The following ZNF493 variants were observed in gnomAD, a reference collection of about 807,000 sequenced individuals.
ZNF493 encodes zinc finger protein 493.
A neutral mutation model predicts 12.2 loss-of-function variants in ZNF493; 11 were observed. The ratio of observed to expected loss-of-function variants is 0.90; its 90% CI spans 0.57 to 1.50. The LOEUF (loss-of-function observed/expected upper bound fraction) is 1.50, where lower values mean the gene tolerates loss of function less well. ZNF493 is among the 40% of genes most tolerant of loss of function. The probability of loss-of-function intolerance (pLI) is 0.00; values close to 1 mark genes in which losing one functional copy is unlikely to be tolerated. For synonymous variants in ZNF493, 286 were observed against 302.6 expected, an observed-to-expected ratio of 0.95 and a Z score of 0.57; for missense variants, 950 against 906.6, an observed-to-expected ratio of 1.05 and a Z score of -0.61.
intron 2 of ZNF493, chr19:21,405,548 C>T (rs1207232513): frequency 1.2e-5 from 16 of 1,280,908 alleles, no homozygotes; most frequent in Non-Finnish European, 1.6e-5. Flanking sequence ...CTATATGCCA[C>T]CACTAATTTT....
At chr19:21,421,315 T>C (rs998582600) in intron 3 of ZNF493, among the ~76,000 whole-genome samples, 1 of 152,154 alleles carries the variant, frequency 6.6e-6, no homozygotes, top group African/African-American at 2.4e-5. Flanking sequence ...ATTTCACTCA[T>C]TGAGTGTTAC....
At chr19:21,407,017 G>A (rs997124046) in intron 3 of ZNF493, among the ~76,000 whole-genome samples, 4 of 151,736 alleles carry the variant, frequency 2.6e-5, no homozygotes, top group Non-Finnish European at 4.4e-5. Flanking sequence ...GGTTAAATTT[G>A]TTCTTAGAAA....
intron 3 of ZNF493, among the ~76,000 whole-genome samples, chr19:21,420,241 G>T (rs2145302865): frequency 1.3e-5 from 2 of 151,974 alleles, no homozygotes; most frequent in African/African-American, 2.4e-5. Flanking sequence ...TGTTCTATTT[G>T]ATTCTTGTAT....
At position 21,424,023 on chromosome 19, in the gene ZNF493, A is replaced by C; in HGVS notation, c.1364A>C (p.His455Pro). 1.2e-6 allele frequency: 2 copies of C among 1,613,560 alleles called. No individual in the cohort carries two copies. The highest frequency in any genetic ancestry group is 1.7e-6 in the Non-Finnish European group (2 of 1,179,790). ...ATTCTTACTAAACATAAAATAATTC[A>C]TACAGAAGAGAAACCCTACAAATGT... The part of the protein sequence containing the change: ...FSILTKHKII[H>P]TEEKPYKCEE... Residue 455 changes from histidine to proline, a missense_variant, in exon 4 of 4, where the codon CAT becomes CCT. Transcript: ENST00000392288.
intron 3 of ZNF493, chr19:21,413,652 A>G (rs989006531): frequency 7.8e-5 from 32 of 411,644 alleles, no homozygotes; most frequent in Middle Eastern, 6.0e-4. Flanking sequence ...AGTTTCAGGT[A>G]TCTTGATGGT....
intron 3 of ZNF493, 43 bp from the exon 4 acceptor site, chr19:21,422,870 G>T (rs1156857034): frequency 6.8e-7 from 1 of 1,471,688 alleles, no homozygotes; most frequent in South Asian, 1.4e-5. Flanking sequence ...ATATTTATCT[G>T]AGTCTAGTAA....
At chr19:21,413,885 A>ATT (rs2030402943) in intron 3 of ZNF493, 1 of 158,574 alleles carries the variant, frequency 6.3e-6, no homozygotes, top group Middle Eastern at 1.6e-3. Context: ...TAGATTCAGG[A>ATT]GCATCTGTGG....
intron 3 of ZNF493, among the ~76,000 whole-genome samples, chr19:21,411,378 T>C (rs2030321271): frequency 6.6e-6 from 1 of 152,122 alleles, no homozygotes. Flanking sequence ...TGTCTCTCTG[T>C]TCTTTTTTAT....
At chr19:21,400,390 C>G (rs934658272) in intron 1 of ZNF493, among the ~76,000 whole-genome samples, 4 of 151,528 alleles carry the variant, frequency 2.6e-5, no homozygotes, top group Non-Finnish European at 4.4e-5. Flanking sequence ...GGCCTGGTGA[C>G]AGAGAGAGAC....
At chr19:21,405,342 C>A in intron 2 of ZNF493, 87 bp downstream of exon 2, 1 of 1,543,282 alleles carries the variant, frequency 6.5e-7, no homozygotes, top group Non-Finnish European at 8.7e-7. Context: ...GTAATTTATG[C>A]TTTGCATAAG....
intron 2 of ZNF493, 45 bp from the exon 3 acceptor site, chr19:21,405,716 A>G: frequency 1.3e-6 from 2 of 1,530,410 alleles, no homozygotes; most frequent in Non-Finnish European, 1.8e-6. Flanking sequence ...GTAGGTAATT[A>G]GAGAATATGA....
At position 21,405,159 on chromosome 19, in the gene ZNF493, G is replaced by A; in HGVS notation, c.61G>A (p.Glu21Lys). ...GPLTFRDVAI[E>K]FSLEEWQCLD... ...GTTGACATTTAGGGATGTGGCCATAGAATTCTCTCTGGAGGAGTGGCAATG... is the reference window on the plus strand; with the variant it reads ...GTTGACATTTAGGGATGTGGCCATAAAATTCTCTCTGGAGGAGTGGCAATG... Residue 21 changes from glutamate (E) to lysine (K), a missense_variant, in exon 2 of 4, where the codon GAA (glutamate) becomes AAA (lysine). Coordinates refer to ENST00000392288, the MANE Select transcript of ZNF493 (RefSeq NM_001076678.3). The A allele has an allele frequency of 6.2e-7, 1 of 1,613,948 alleles. No homozygotes were observed. Among genetic ancestry groups the A allele is most frequent in the Non-Finnish European group, 8.5e-7 (1 of 1,179,954 alleles).
rs571263813 is a variant in ZNF493 at position 21,419,177 on chromosome 19, G to C, written c.254-3736G>C. Among the ~76,000 whole-genome samples the C allele has an allele frequency of 2.0e-5, 3 of 152,296 alleles. No individual in the cohort carries two copies. The East Asian group carries it at 5.8e-4, about 29-fold the overall frequency. On this transcript the variant is annotated intron_variant, in intron 3 of 3. Transcript: ENST00000392288. ...GTGACTGGCATCTGTAGTTGCGACA[G>C]TGTTGTGGGACTGAGCCCTGAACTT...
Position 21,424,530 on chromosome 19 carries a change from C to T in ZNF493, c.1871C>T (p.Thr624Ile). Residue 624 changes from threonine to isoleucine, a missense_variant, in exon 4 of 4, where the codon ACT becomes ATT. By Grantham distance (89) the Thr-to-Ile change is moderately conservative. Coordinates refer to ENST00000392288, the MANE Select transcript of ZNF493 (RefSeq NM_001076678.3). ...SILSIHKKIH[T>I]GEKPYKCEEC... ...CTTAGTATACATAAGAAAATTCATA[C>T]TGGAGAAAAACCCTACAAATGTGAA... The T allele has an allele frequency of 6.2e-7, 1 of 1,613,346 alleles. No homozygotes were observed.
In ZNF493 at chr19:21,425,149, C is replaced by T; in HGVS notation, c.*165C>T. 2 of 855,580 alleles carry T rather than the reference C, an allele frequency of 2.3e-6. No individual in the cohort carries two copies. The highest frequency in any genetic ancestry group is 3.8e-6 in the Non-Finnish European group (2 of 524,196). 53.0% of individuals were successfully genotyped at this position (855,580 alleles called of 1,614,324 possible). ...GATTTCTATTGATTCTCATACCTTA[C>T]TAAATATAAGATAATTCATATTGGA... is the stretch of plus-strand genomic sequence containing the variant. On this transcript the variant is annotated 3_prime_UTR_variant, in exon 4 of 4. Transcript: ENST00000392288.
At chr19:21,403,233 G>A (rs553840456) in intron 1 of ZNF493, among the ~76,000 whole-genome samples, 8 of 152,332 alleles carry the variant, frequency 5.3e-5, no homozygotes, top group Non-Finnish European at 4.4e-5. Context: ...TTAAGGTGAG[G>A]ACAGAATTAA....
intron 3 of ZNF493, among the ~76,000 whole-genome samples, chr19:21,406,867 T>C (rs1424650413): frequency 6.6e-6 from 1 of 152,136 alleles, no homozygotes; most frequent in East Asian, 1.9e-4. Context: ...GCTGAATCTA[T>C]AGATTACTTT....
chr19:21,424,430 C>G lies in ZNF493; in HGVS notation c.1771C>G (p.His591Asp). The change falls in exon 4 of 4, where the codon CAC becomes GAC. Residue 591 changes from histidine (H) to aspartate (D), a missense_variant. Coordinates refer to ENST00000392288, the MANE Select transcript of ZNF493 (RefSeq NM_001076678.3). ...TAGTGTATTCTCAACCCTTACTAAA[C>G]ACAAGATAATTCATACTGATAAGAA... ...SFSVFSTLTKHKIIHTDKKPY... is the reference protein window; with the variant it reads ...SFSVFSTLTKDKIIHTDKKPY... The G allele has an allele frequency of 6.2e-7, 1 of 1,613,308 alleles. No homozygotes were observed. The highest frequency in any genetic ancestry group is 1.7e-4 in the Middle Eastern group (1 of 6,056).
Position 21,424,961 on chromosome 19 carries a change from A to G in ZNF493, c.2302A>G (p.Thr768Ala), listed in dbSNP as rs777075056. Residue 768 changes from threonine (T) to alanine (A), a missense_variant, in exon 4 of 4, where the codon ACT (threonine) becomes GCT (alanine). Transcript: ENST00000392288. ...TAAGATAATTCATATTGGAATTCAT[A>G]CTGAAGAGACTGTACAAAAGTGAAG... is the stretch of plus-strand genomic sequence containing the variant. ...RHKIIHIGIHTEETVQK is the reference protein window; with the variant it reads ...RHKIIHIGIHAEETVQK 5.0e-6 allele frequency: 8 copies of G among 1,593,354 alleles called. No homozygotes were observed. In the South Asian group the frequency reaches 9.1e-5, roughly 18 times the overall value.
Sources: gnomAD v4.1 joint callset for allele counts (sites outside exome capture counted in the v4.1 genomes callset) on GRCh38, gnomAD v4.1.1 for gene constraint, MANE v1.5 for transcripts, NCBI Gene and HGNC (gene_info 2026-07-23, HGNC 2026-07-21) for gene names.